Variants in ATRNL1 observed in about 807,000 individuals in gnomAD.
ATRNL1 encodes attractin like 1, also known as attractin-like protein 1.
In ATRNL1, 95 loss-of-function variants were observed where a neutral mutation model predicts 182.7. The observed-to-expected ratio is 0.52, with a 90% confidence interval of 0.44 to 0.62. The LOEUF (loss-of-function observed/expected upper bound fraction) is 0.62. Among genes scored for constraint, ATRNL1 ranks in the 20% least tolerant of loss-of-function variants. ATRNL1 has a pLI of 0.00. For missense variants in ATRNL1, 1,471 were observed against 1,679.5 expected, an observed-to-expected ratio of 0.88 and a Z score of 2.17; for synonymous variants, 576 against 568.3, an observed-to-expected ratio of 1.01 and a Z score of -0.19.
At chr10:115,151,208 A>G (rs1846211026) in intron 5 of ATRNL1, among the ~76,000 whole-genome samples, 3 of 152,208 alleles carry the variant, frequency 2.0e-5, no homozygotes, top group African/African-American at 2.4e-5. Context: ...TTATAGCAGC[A>G]TGATTTATAA....
In ATRNL1 at chr10:115,585,098, A is replaced by T. The variant is rs371433081; in HGVS notation, c.3795+35562A>T. 7.0e-4 allele frequency among the ~76,000 whole-genome samples: 82 copies of T among 117,232 alleles called. 1 individual carries two copies. The highest frequency in any genetic ancestry group is 2.5e-3 in the African/African-American group (78 of 31,102). 76.9% of individuals were successfully genotyped at this position (117,232 alleles called of 152,430 possible). A position where few individuals can be genotyped will look rare whatever the true frequency, so the allele number is the denominator to read the frequency against. On this transcript the variant is annotated intron_variant, in intron 26 of 28. Coordinates refer to ENST00000355044, the MANE Select transcript of ATRNL1 (RefSeq NM_207303.4). ...TAATCCTGAGTTCTAGTTTGATTGCACTGTGGTCTGAGAGATAGTTTGTTA... is the reference window on the plus strand; with the variant it reads ...TAATCCTGAGTTCTAGTTTGATTGCTCTGTGGTCTGAGAGATAGTTTGTTA...
At chr10:115,464,116 G>A (rs1021688632) in intron 22 of ATRNL1, among the ~76,000 whole-genome samples, 6 of 151,948 alleles carry the variant, frequency 3.9e-5, no homozygotes, top group Non-Finnish European at 7.4e-5. Context: ...TTGAAGCCAA[G>A]AAACCAGAAA....
chr10:115,793,789 T>C (rs1949585976), intron 27 of ATRNL1, among the ~76,000 whole-genome samples: 1 of 152,158 alleles, frequency 6.6e-6, no homozygotes, highest in African/African-American at 2.4e-5. Context: ...GAGGAATGAC[T>C]GATTGATAAT....
chr10:115,488,815 T>C (rs1238133092), intron 24 of ATRNL1, among the ~76,000 whole-genome samples: 1 of 152,190 alleles, frequency 6.6e-6, no homozygotes, highest in African/African-American at 2.4e-5. Flanking sequence ...ACTTGTGATG[T>C]TAGGGTGTCA....
intron 27 of ATRNL1, among the ~76,000 whole-genome samples, chr10:115,772,274 T>C (rs1265478547): frequency 6.6e-6 from 1 of 152,196 alleles, no homozygotes; most frequent in Non-Finnish European, 1.5e-5. Context: ...TGCTTTTAAA[T>C]AGGAGTCAGA....
intron 26 of ATRNL1, among the ~76,000 whole-genome samples, chr10:115,576,835 T>G (rs782173333): frequency 6.6e-6 from 1 of 152,060 alleles, no homozygotes; most frequent in Non-Finnish European, 1.5e-5. Flanking sequence ...AGCTTTTCCT[T>G]ATATTTTCAT....
chr10:115,545,166 C>T (rs998162773), intron 25 of ATRNL1, among the ~76,000 whole-genome samples: 3 of 140,878 alleles, frequency 2.1e-5, no homozygotes, highest in Admixed American at 1.6e-4. Flanking sequence ...ACCCGGGAGG[C>T]GGAGCTTGCA....
At chr10:115,914,732 C>A (rs1264856223) in intron 28 of ATRNL1, among the ~76,000 whole-genome samples, 1 of 152,108 alleles carries the variant, frequency 6.6e-6, no homozygotes, top group African/African-American at 2.4e-5. Context: ...TTTCTTTTCC[C>A]GATTGTTCAA....
intron 27 of ATRNL1, among the ~76,000 whole-genome samples, chr10:115,836,989 A>T (rs950979627): frequency 3.9e-5 from 6 of 152,158 alleles, no homozygotes; most frequent in African/African-American, 1.4e-4. Flanking sequence ...ACCAACAGGG[A>T]GTTGGTAAAG....
intron 28 of ATRNL1, among the ~76,000 whole-genome samples, chr10:115,894,798 G>A (rs1565467572): frequency 6.6e-6 from 1 of 152,076 alleles, no homozygotes; most frequent in South Asian, 2.1e-4. Flanking sequence ...AATGGCTTTT[G>A]CTTCCGGCAG....
At chr10:115,924,765 G>GT (rs1460265003) in intron 28 of ATRNL1, among the ~76,000 whole-genome samples, 1 of 152,156 alleles carries the variant, frequency 6.6e-6, no homozygotes, top group Non-Finnish European at 1.5e-5. Context: ...ATCTAAAGTA[G>GT]TTTTTTCTAA....
intron 19 of ATRNL1, among the ~76,000 whole-genome samples, chr10:115,352,555 C>T (rs1195839885): frequency 2.0e-5 from 3 of 152,010 alleles, no homozygotes; most frequent in Non-Finnish European, 4.4e-5. Flanking sequence ...CCTTCAGCAG[C>T]GTATTGTTTC....
At chr10:115,218,483 T>G (rs1406240861) in intron 9 of ATRNL1, among the ~76,000 whole-genome samples, 1 of 152,224 alleles carries the variant, frequency 6.6e-6, no homozygotes, top group Non-Finnish European at 1.5e-5. Context: ...TTCACCTGGC[T>G]TACTCGCAAA....
Position 115,252,266 on chromosome 10 carries a change from A to C in ATRNL1, c.1687+10541A>C, listed in dbSNP as rs1554905548. On this transcript the variant is annotated intron_variant, in intron 10 of 28. Transcript: ENST00000355044. Reference sequence around the variant, plus strand: ...CTGGTCTCGAACTCTTGACCTTGTGATCTGCCCGCCTCGACCTCCCAAAGT... The same window carrying C: ...CTGGTCTCGAACTCTTGACCTTGTGCTCTGCCCGCCTCGACCTCCCAAAGT... Among the ~76,000 whole-genome samples, 5 of 151,992 alleles carry C rather than the reference A, an allele frequency of 3.3e-5. No homozygotes were observed. In the South Asian group the frequency reaches 1.0e-3, roughly 32 times the overall value.
chr10:115,731,344 C>G (rs1947792128), intron 27 of ATRNL1, among the ~76,000 whole-genome samples: 1 of 152,154 alleles, frequency 6.6e-6, no homozygotes, highest in South Asian at 2.1e-4. Context: ...GAACAAATGA[C>G]TCATTCTGAT....
intron 26 of ATRNL1, among the ~76,000 whole-genome samples, chr10:115,588,579 T>G (rs7099169): frequency 0.97 from 148,103 of 152,308 alleles, 72,173 homozygotes; most frequent in East Asian, 1. Flanking sequence ...TTGGGGTGCT[T>G]TATGTGTGGT....
intron 22 of ATRNL1, among the ~76,000 whole-genome samples, chr10:115,464,035 C>T (rs1554970353): frequency 6.6e-6 from 1 of 151,974 alleles, no homozygotes; most frequent in African/African-American, 2.4e-5. Context: ...CCATTTTCTC[C>T]TTCAATTTCC....
chr10:115,638,953 T>C (rs1859059852), intron 26 of ATRNL1, among the ~76,000 whole-genome samples: 1 of 151,568 alleles, frequency 6.6e-6, no homozygotes, highest in Non-Finnish European at 1.5e-5. Flanking sequence ...GTCACAGGAG[T>C]GGAGAAGAGG....
At chr10:115,803,014 A>G (rs1949833598) in intron 27 of ATRNL1, among the ~76,000 whole-genome samples, 1 of 152,186 alleles carries the variant, frequency 6.6e-6, no homozygotes, top group Non-Finnish European at 1.5e-5. Context: ...TTGTTCCAAA[A>G]TTACACCTGA....
Sources: gnomAD v4.1 joint callset for allele counts (sites outside exome capture counted in the v4.1 genomes callset) on GRCh38, gnomAD v4.1.1 for gene constraint, MANE v1.5 for transcripts, NCBI Gene and HGNC (gene_info 2026-07-23, HGNC 2026-07-21) for gene names.